Variants in HEATR4 observed in about 807,000 individuals in gnomAD.
HEATR4 encodes the protein HEAT repeat-containing protein 4.
In HEATR4, 95 loss-of-function variants were observed where a neutral mutation model predicts 108.8. The observed-to-expected ratio is 0.87, with a 90% CI of 0.74 to 1.04. The LOEUF (loss-of-function observed/expected upper bound fraction) is 1.04. Ranked by LOEUF, HEATR4 falls within the 50% of genes least tolerant of loss-of-function variation. The pLI is 0.00. For missense variants in HEATR4, 1,152 were observed against 1,253.8 expected (o/e 0.92, Z 1.23); for synonymous variants, 443 against 459.4 (o/e 0.96, Z 0.46).
chr14:73,521,851 G>A (rs2140297014), intron 3 of HEATR4, among the ~76,000 whole-genome samples: 1 of 152,314 alleles, frequency 6.6e-6, no homozygotes, highest in Non-Finnish European at 1.5e-5. Flanking sequence ...CACCTGGTTG[G>A]TAACTACACC....
At chr14:73,605,019 C>T in the HEATR4 span, among the ~76,000 whole-genome samples, 2 of 151,682 alleles carry the variant, frequency 1.3e-5, no homozygotes, top group Non-Finnish European at 2.9e-5. Flanking sequence ...CCCAGGCTAC[C>T]AGAAGTTATC....
chr14:73,506,276 G>A (rs946286863), intron 10 of HEATR4, among the ~76,000 whole-genome samples, 191 bp downstream of exon 10: 3 of 152,194 alleles, frequency 2.0e-5, no homozygotes, highest in African/African-American at 7.2e-5. Context: ...CCAGTGCACT[G>A]AGAAGCATTG....
rs1424273540 is a variant in HEATR4, at chr14:73,512,014, C to A, written c.1550G>T (p.Arg517Ile). The change falls in exon 7 of 18, where the codon AGA (arginine) becomes ATA (isoleucine). Residue 517 changes from arginine to isoleucine, a missense_variant. Physicochemically the swap from Arg to Ile is moderately conservative, Grantham distance 97 (BLOSUM62 -3). Transcript: ENST00000553558. ...TCAGCTTTGGCTCTCACCTGAGTCT[C>A]TCTGGCTGGTGGCAATCCGGGGCCG... The part of the protein sequence containing the change: ...LERPRIATSQ[R>I]DSDKTIQDLP... 2.5e-6 allele frequency: 4 copies of A among 1,613,836 alleles called. No homozygotes were observed. In the South Asian group the frequency reaches 4.4e-5, roughly 18 times the overall value.
chr14:73,579,095 A>G, the HEATR4 span, among the ~76,000 whole-genome samples: 11 of 149,884 alleles, frequency 7.3e-5, no homozygotes, highest in Non-Finnish European at 1.0e-4. Context: ...AAAAAAGAAA[A>G]AAAAAAAAAA....
chr14:73,615,193 C>T, the HEATR4 span, among the ~76,000 whole-genome samples: 5 of 150,698 alleles, frequency 3.3e-5, no homozygotes, highest in African/African-American at 1.2e-4. Context: ...CAAGACCAGC[C>T]TGGCCAAGAT....
Position 73,478,692 on chromosome 14 carries a change from C to T in HEATR4, c.2995G>A (p.Ala999Thr), listed in dbSNP as rs1885110472. ...AVGPFRSDYP[A>T]LYLGKFSERT... ...TCTGAGAATTTACCCAGATAAAGAG[C>T]TGGGTAGTCGGATCTAAATGGTCCC... is the stretch of plus-strand genomic sequence containing the variant. The change falls in exon 18 of 18, where the codon GCT (alanine) becomes ACT (threonine). Residue 999 changes from alanine to threonine, a missense_variant. Coordinates refer to ENST00000553558, the MANE Select transcript of HEATR4 (RefSeq NM_001220484.1). 2 of 1,613,596 alleles carry T rather than the reference C, an allele frequency of 1.2e-6. No individual in the cohort carries two copies. Among genetic ancestry groups the T allele is most frequent in the Non-Finnish European group, 1.7e-6 (2 of 1,179,934 alleles).
chr14:73,480,409 T>C (rs1379403391), intron 17 of HEATR4, among the ~76,000 whole-genome samples: 1 of 152,156 alleles, frequency 6.6e-6, no homozygotes, highest in African/African-American at 2.4e-5. Context: ...CACTGTACTC[T>C]AGCCTGGGCG....
chr14:73,519,146 G>A lies in HEATR4; in HGVS notation c.1087C>T (p.His363Tyr). The A allele has an allele frequency of 1.2e-6, 2 of 1,612,854 alleles. No homozygotes were observed. The highest frequency in any genetic ancestry group is 8.5e-7 in the Non-Finnish European group (1 of 1,179,418). ...EIYFDEVQII[H>Y]QIGAKRDQIV... ...TGGTCTCTCTTTGCACCAATCTGGT[G>A]GATGATCTGGACTTCATCTGTGAAC... The change falls in exon 5 of 18, where the codon CAC becomes TAC. Residue 363 changes from histidine to tyrosine, a missense_variant. By Grantham distance (83) the His-to-Tyr change is moderately conservative (BLOSUM62 2). Transcript: ENST00000553558.
the HEATR4 span, chr14:73,594,021 A>G: frequency 1.1e-6 from 1 of 942,206 alleles, no homozygotes; most frequent in African/African-American, 1.6e-5. Context: ...TGTCTTCTGG[A>G]GACTTCCTTG....
the HEATR4 span, chr14:73,633,697 G>T: frequency 6.6e-6 from 1 of 152,176 alleles, no homozygotes; most frequent in Non-Finnish European, 1.5e-5. Flanking sequence ...CACACGTCCG[G>T]GGTAAACTCG....
intron 10 of HEATR4, among the ~76,000 whole-genome samples, chr14:73,505,421 G>C (rs1886746828): frequency 8.1e-6 from 1 of 123,158 alleles, no homozygotes; most frequent in Non-Finnish European, 2.0e-5. Flanking sequence ...TTTTGAGACA[G>C]AGTCTCGCAC....
intron 17 of HEATR4, chr14:73,491,345 C>G: frequency 6.9e-7 from 1 of 1,441,502 alleles, no homozygotes; most frequent in African/African-American, 1.5e-5. Flanking sequence ...GGAGGCCTCG[C>G]CCGCCGCGCG....
chr14:73,569,942 C>T, the HEATR4 span: 1 of 1,535,888 alleles, frequency 6.5e-7, no homozygotes, highest in Non-Finnish European at 8.7e-7. Context: ...TGTGTCTCCC[C>T]CGCCCCACGC....
chr14:73,569,940 C>G, the HEATR4 span: 2 of 1,540,112 alleles, frequency 1.3e-6, no homozygotes, highest in Admixed American at 3.8e-5. Flanking sequence ...TGTGTGTCTC[C>G]CCCGCCCCAC....
chr14:73,578,511 G>A, the HEATR4 span, among the ~76,000 whole-genome samples: 1 of 152,032 alleles, frequency 6.6e-6, no homozygotes, highest in African/African-American at 2.4e-5. Flanking sequence ...TTATAGGCAT[G>A]AGCAACCGGG....
chr14:73,567,917 C>T, the HEATR4 span: 1 of 152,114 alleles, frequency 6.6e-6, no homozygotes, highest in Admixed American at 6.6e-5. Flanking sequence ...ATTCCGGACG[C>T]ATCTGAACAT....
the HEATR4 span, among the ~76,000 whole-genome samples, chr14:73,607,582 C>T: frequency 6.6e-6 from 1 of 151,834 alleles, no homozygotes; most frequent in Non-Finnish European, 1.5e-5. Flanking sequence ...TCTCTGCAGC[C>T]GGCTTGATTT....
At chr14:73,509,593 G>T in intron 7 of HEATR4, 120 bp from the exon 8 acceptor site, 1 of 938,486 alleles carries the variant, frequency 1.1e-6, no homozygotes. Flanking sequence ...TTAGTGCTAT[G>T]TAATATAATT....
At position 73,478,549 on chromosome 14, in the gene HEATR4, A is replaced by C; in HGVS notation, c.*57T>G. 9.0e-7 allele frequency: 1 copy of C among 1,109,466 alleles called. No individual in the cohort carries two copies. The highest frequency in any genetic ancestry group is 1.3e-5 in the South Asian group (1 of 76,568). The allele number at this position is 1,109,466 out of a possible 1,614,324, so 68.7% of individuals were successfully genotyped here. On this transcript the variant is annotated 3_prime_UTR_variant, in exon 18 of 18. Transcript: ENST00000553558. The stretch of plus-strand genomic sequence containing the variant: ...AGATTGTACAGTATCAATTAAAAAG[A>C]CCCAATGTGACCAGGTCCACTGCTT...
Sources: allele counts gnomAD v4.1 joint callset (sites outside exome capture counted in the v4.1 genomes callset), GRCh38; gene constraint gnomAD v4.1.1; transcripts MANE v1.5; gene names NCBI Gene and HGNC (gene_info 2026-07-23, HGNC 2026-07-21).